The following ZFR variants were observed in gnomAD, a reference collection of about 807,000 sequenced individuals.
ZFR encodes zinc finger RNA binding protein.
In ZFR, 19 loss-of-function variants were observed where a neutral mutation model predicts 130.7. That is an observed-to-expected ratio of 0.15 (90% confidence interval 0.10 to 0.21). The LOEUF is 0.21. ZFR is among the 10% of genes least tolerant of loss of function. The pLI is 1.00. For synonymous variants in ZFR, 466 were observed against 456.9 expected (o/e 1.02, Z -0.25); for missense variants, 872 against 1,321.5 (o/e 0.66, Z 5.27).
At chr5:32,376,089 G>A (rs1455670943) in intron 17 of ZFR, among the ~76,000 whole-genome samples, 2 of 151,314 alleles carry the variant, frequency 1.3e-5, no homozygotes, top group South Asian at 2.1e-4. Flanking sequence ...TGATCCACCC[G>A]CCTCGGCCTC....
intron 2 of ZFR, among the ~76,000 whole-genome samples, chr5:32,427,827 A>C (rs190756396): frequency 2.0e-5 from 3 of 152,378 alleles, no homozygotes; most frequent in African/African-American, 7.2e-5. Flanking sequence ...TTGCATATAC[A>C]GTCAAATAAT....
chr5:32,388,428 A>G, intron 13 of ZFR, 41 bp downstream of exon 13: 2 of 1,598,940 alleles, frequency 1.3e-6, no homozygotes, highest in East Asian at 2.2e-5. Flanking sequence ...CCACATAAGA[A>G]AAACCAAAAT....
chr5:32,392,747 C>A (rs1016316876), intron 11 of ZFR, among the ~76,000 whole-genome samples: 1 of 152,162 alleles, frequency 6.6e-6, no homozygotes, highest in African/African-American at 2.4e-5. Context: ...GTAATTCCAG[C>A]ACTTTGGGAG....
chr5:32,380,277 G>T, intron 15 of ZFR, 105 bp from the exon 16 acceptor site: 3 of 687,810 alleles, frequency 4.4e-6, no homozygotes, highest in Non-Finnish European at 5.1e-6. Context: ...CCATTTGAGA[G>T]CTTGTTGGCA....
Position 32,379,142 on chromosome 5 carries a change from A to T in ZFR, c.2808T>A (p.Val936=), listed in dbSNP as rs1056467570. 2 of 1,613,810 alleles carry T rather than the reference A, an allele frequency of 1.2e-6. No homozygotes were observed. The highest frequency in any genetic ancestry group is 2.7e-5 in the African/African-American group (2 of 74,946). The part of the protein sequence containing the change: ...IRILRDLCQR[V]PTWSDFPSWA... ...AGCTTGGAAAATCAGACCAAGTTGG[A>T]ACTCGCTGACAGAGGTCTCGAAGAA... Residue 936 remains valine, a synonymous_variant, in exon 17 of 20, where the codon GTT becomes GTA. Transcript: ENST00000265069.
At position 32,388,569 on chromosome 5, in the gene ZFR, T is replaced by C. The variant is rs552874574; in HGVS notation, c.2248A>G (p.Ile750Val). 9.3e-6 allele frequency: 15 copies of C among 1,614,056 alleles called. No homozygotes were observed. The highest frequency in any genetic ancestry group is 5.5e-5 in the South Asian group (5 of 91,076). The change falls in exon 13 of 20, where the codon ATT (isoleucine) becomes GTT (valine). Residue 750 changes from isoleucine (I) to valine (V), a missense_variant. Transcript: ENST00000265069. The stretch of plus-strand genomic sequence containing the variant: ...ACGAGTTTTAAAGCACGTTCAGTAA[T>C]AGAAACAATTTTCTGAACTGCCTGT... ...ELQAVQKIVS[I>V]TERALKLVSD...
intron 8 of ZFR, among the ~76,000 whole-genome samples, chr5:32,401,383 C>G (rs556988468): frequency 1.3e-5 from 2 of 152,126 alleles, no homozygotes; most frequent in East Asian, 1.9e-4. Flanking sequence ...GAAGGAGCCA[C>G]CACCCTTTAA....
intron 2 of ZFR, among the ~76,000 whole-genome samples, chr5:32,430,133 A>AT (rs1754171606): frequency 6.6e-6 from 1 of 151,666 alleles, no homozygotes; most frequent in Non-Finnish European, 1.5e-5. Context: ...ATACACTAAT[A>AT]TAAGCAAAAG....
At chr5:32,383,786 A>G (rs1021560780) in intron 15 of ZFR, 1 of 456,598 alleles carries the variant, frequency 2.2e-6, no homozygotes, top group Non-Finnish European at 4.4e-6. Flanking sequence ...AGAAAGAAGC[A>G]ATCTTCATAA....
intron 2 of ZFR, among the ~76,000 whole-genome samples, chr5:32,425,454 G>T (rs1409711000): frequency 1.3e-5 from 2 of 152,164 alleles, no homozygotes; most frequent in East Asian, 1.9e-4. Context: ...TTGTAAAAAT[G>T]TAAAACAATG....
Position 32,390,352 on chromosome 5 carries a change from A to G in ZFR, c.2065T>C (p.Tyr689His), listed in dbSNP as rs1753140120. ...DDRRRMPDGGYPHGPPGPLGL... is the reference protein window; with the variant it reads ...DDRRRMPDGGHPHGPPGPLGL... ...AATGGGCCTGGAGGACCATGAGGATAACCTCCATCTGGCATTCGGCGGCGA... is the reference window on the plus strand; with the variant it reads ...AATGGGCCTGGAGGACCATGAGGATGACCTCCATCTGGCATTCGGCGGCGA... The change falls in exon 12 of 20, where the codon TAT becomes CAT. Residue 689 changes from tyrosine to histidine, a missense_variant. Around this residue, in one of 7 missense-constraint regions of ZFR, gnomAD observed 225 missense variants for 282.4 expected, o/e 0.80. Transcript: ENST00000265069. The G allele has an allele frequency of 6.2e-7, 1 of 1,614,034 alleles. No homozygotes were observed. The highest frequency in any genetic ancestry group is 8.5e-7 in the Non-Finnish European group (1 of 1,180,014).
Position 32,444,247 on chromosome 5 carries a change from G to A in ZFR, c.119C>T (p.Ala40Val). 1 of 1,573,724 alleles carries A rather than the reference G, an allele frequency of 6.4e-7. No homozygotes were observed. The highest frequency in any genetic ancestry group is 1.2e-5 in the South Asian group (1 of 85,698). ...CCGTTACCTATATTGGGCCGCAGCC[G>A]CCGCCGCCGCCGCCCCGCTGTGGGT... ...GFTHSGAAAA[A>V]AAAQYSQQPA... is the part of the protein sequence containing the mutation. Residue 40 changes from alanine (A) to valine (V), a missense_variant, in exon 2 of 20, where the codon GCG (alanine) becomes GTG (valine). This residue lies in a region of ZFR where 240 missense variants were observed against 441.2 expected (regional missense o/e 0.54). Transcript: ENST00000265069.
intron 17 of ZFR, among the ~76,000 whole-genome samples, chr5:32,376,451 C>G (rs1429611914): frequency 6.7e-6 from 1 of 149,992 alleles, no homozygotes; most frequent in Non-Finnish European, 1.5e-5. Flanking sequence ...TTGAAACCAG[C>G]TTGGCCAATA....
At chr5:32,387,755 A>G in intron 13 of ZFR, 56 bp from the exon 14 acceptor site, 1 of 1,524,232 alleles carries the variant, frequency 6.6e-7, no homozygotes, top group Non-Finnish European at 8.9e-7. Context: ...GAAGCATGAT[A>G]TTCTGTAAAC....
At chr5:32,363,224 T>TC (rs1248737236) in intron 19 of ZFR, among the ~76,000 whole-genome samples, 3 of 152,220 alleles carry the variant, frequency 2.0e-5, no homozygotes, top group Non-Finnish European at 2.9e-5. Context: ...TATGCTTTTT[T>TC]CCCCTACTCA....
Position 32,355,680 on chromosome 5 carries a change from A to G in ZFR, c.*80T>C, listed in dbSNP as rs1260353059. The G allele has an allele frequency of 2.4e-6, 3 of 1,276,338 alleles. No individual in the cohort carries two copies. Among genetic ancestry groups the G allele is most frequent in the Non-Finnish European group, 2.1e-6 (2 of 943,778 alleles). 79.1% of individuals were successfully genotyped at this position (1,276,338 alleles called of 1,614,324 possible). ...CCTTTAAATTCTTGATAAATTTTTCAATGTAGACATTATTATGAATGAAAA... is the reference window on the plus strand; with the variant it reads ...CCTTTAAATTCTTGATAAATTTTTCGATGTAGACATTATTATGAATGAAAA... On this transcript the variant is annotated 3_prime_UTR_variant, in exon 20 of 20. Coordinates refer to ENST00000265069, the MANE Select transcript of ZFR (RefSeq NM_016107.5).
intron 15 of ZFR, among the ~76,000 whole-genome samples, chr5:32,383,305 A>C (rs1481124274): frequency 6.6e-6 from 1 of 152,232 alleles, no homozygotes; most frequent in African/African-American, 2.4e-5. Flanking sequence ...TCTTGGCAGC[A>C]ACCCCTGACA....
Position 32,402,687 on chromosome 5 carries a change from CG to C in ZFR, c.1516+418del, listed in dbSNP as rs776629775. On this transcript the variant is annotated intron_variant, in intron 8 of 19. Transcript: ENST00000265069. ...CAGCTACTCAGGAGACTGAGGTGGG[CG>C]GATCGCTTGAGCCCTGGAAATTGAG... Among the ~76,000 whole-genome samples, 140 of 150,050 alleles carry C rather than the reference CG, an allele frequency of 9.3e-4. 1 individual carries two copies. Among genetic ancestry groups the C allele is most frequent in the Non-Finnish European group, 1.8e-3 (121 of 67,702 alleles).
At chr5:32,377,990 G>A (rs560775730) in intron 17 of ZFR, among the ~76,000 whole-genome samples, 5 of 152,276 alleles carry the variant, frequency 3.3e-5, no homozygotes, top group African/African-American at 7.2e-5. Context: ...TGTGCTTGGC[G>A]AATACCATAT....
Sources: allele counts gnomAD v4.1 joint callset (sites outside exome capture counted in the v4.1 genomes callset), GRCh38; gene constraint gnomAD v4.1.1; regional missense constraint gnomAD v4.1.1; transcripts MANE v1.5; gene names NCBI Gene and HGNC (gene_info 2026-07-23, HGNC 2026-07-21).